Variants in BCKDHB observed in about 807,000 individuals in gnomAD.
The protein encoded by BCKDHB is 2-oxoisovalerate dehydrogenase subunit beta, mitochondrial.
BCKDHB carries 41 observed loss-of-function variants against 48.5 expected under a neutral mutation model. The observed-to-expected ratio is 0.85, with a 90% confidence interval of 0.66 to 1.10. The LOEUF (loss-of-function observed/expected upper bound fraction) is 1.10, where lower values mean the gene tolerates loss of function less well. Ranked by LOEUF, BCKDHB falls within the 50% of genes least tolerant of loss-of-function variation. The pLI is 0.00. For synonymous variants in BCKDHB, 201 were observed against 174.8 expected, an observed-to-expected ratio of 1.15 and a Z score of -1.18; for missense variants, 496 against 494.2, an observed-to-expected ratio of 1.00 and a Z score of -0.03.
chr6:80,336,353 AT>A (rs1431118537), intron 9 of BCKDHB, among the ~76,000 whole-genome samples: 16 of 151,886 alleles, frequency 1.1e-4, no homozygotes, highest in Non-Finnish European at 1.5e-5. Context: ...AGGGAAACCC[AT>A]TTAGATCAGA....
chr6:80,328,977 A>G (rs1328955610), intron 9 of BCKDHB, among the ~76,000 whole-genome samples: 2 of 152,208 alleles, frequency 1.3e-5, no homozygotes, highest in African/African-American at 4.8e-5. Context: ...CTTTTTCTTT[A>G]CAATACATAA....
At position 80,322,896 on chromosome 6, in the gene BCKDHB, CTTTTTTTTTT is replaced by C. The variant is rs34177726; in HGVS notation, c.1039-20760_1039-20751del. Among the ~76,000 whole-genome samples, 17 of 115,566 alleles carry C rather than the reference CTTTTTTTTTT, an allele frequency of 1.5e-4. No individual in the cohort carries two copies. The East Asian group carries it at 2.7e-3, about 19-fold the overall frequency. The allele number at this position is 115,566 out of a possible 152,430, so 75.8% of individuals were successfully genotyped here. On this transcript the variant is annotated intron_variant, in intron 9 of 9. Coordinates refer to ENST00000320393, the MANE Select transcript of BCKDHB (RefSeq NM_183050.4). ...TGATTCTTCTTTTTTTTTCTTTTTTCTTTTTTTTTTTTTTTTTGCATACAGCAGAGAATGC... is the reference window on the plus strand; with the variant it reads ...TGATTCTTCTTTTTTTTTCTTTTTTCTTTTTTTGCATACAGCAGAGAATGC...
intron 6 of BCKDHB, among the ~76,000 whole-genome samples, chr6:80,188,984 T>C (rs191913046): frequency 3.5e-4 from 54 of 152,294 alleles, no homozygotes; most frequent in Non-Finnish European, 3.2e-4. Flanking sequence ...TAGAATTATT[T>C]ACAACATATT....
At chr6:80,302,468 A>G (rs534169778) in intron 9 of BCKDHB, among the ~76,000 whole-genome samples, 2 of 152,246 alleles carry the variant, frequency 1.3e-5, no homozygotes, top group East Asian at 3.9e-4. Flanking sequence ...GGCTTATTAC[A>G]TACCTTTTCC....
chr6:80,187,777 A>G (rs980764563), intron 6 of BCKDHB, among the ~76,000 whole-genome samples: 3 of 152,210 alleles, frequency 2.0e-5, no homozygotes, highest in African/African-American at 4.8e-5. Context: ...CCACAGTGAG[A>G]TACCATCTCA....
the BCKDHB span, among the ~76,000 whole-genome samples, chr6:80,431,465 G>A: frequency 1.3e-4 from 20 of 152,154 alleles, no homozygotes; most frequent in African/African-American, 4.8e-4. Context: ...AAGTCTCTTT[G>A]TAGGTCTCTA....
At position 80,327,911 on chromosome 6, in the gene BCKDHB, C is replaced by T. The variant is rs1290198840; in HGVS notation, c.1039-15753C>T. On this transcript the variant is annotated intron_variant, in intron 9 of 9. Coordinates refer to ENST00000320393, the MANE Select transcript of BCKDHB (RefSeq NM_183050.4). ...CTTTTCCCCTCCCCTTTTCTCCCCT[C>T]CCTTCTCCCCTCCCCTCCCTCCCTT... Among the ~76,000 whole-genome samples, 20 of 137,318 alleles carry T rather than the reference C, an allele frequency of 1.5e-4. No individual in the cohort carries two copies. The East Asian group carries it at 3.7e-3, about 26-fold the overall frequency. 90.1% of individuals were successfully genotyped at this position (137,318 alleles called of 152,430 possible).
At chr6:80,413,970 T>A in the BCKDHB span, among the ~76,000 whole-genome samples, 1 of 152,174 alleles carries the variant, frequency 6.6e-6, no homozygotes, top group Non-Finnish European at 1.5e-5. Flanking sequence ...CTGTTACTTT[T>A]TGATTTTTTA....
intron 3 of BCKDHB, among the ~76,000 whole-genome samples, chr6:80,136,431 C>G (rs1250385946): frequency 1.3e-5 from 2 of 151,960 alleles, no homozygotes; most frequent in Non-Finnish European, 2.9e-5. Context: ...TGAATTTGGA[C>G]CTTTATTTAA....
At chr6:80,366,123 A>G in the BCKDHB span, among the ~76,000 whole-genome samples, 1 of 152,216 alleles carries the variant, frequency 6.6e-6, no homozygotes, top group Non-Finnish European at 1.5e-5. Context: ...GAATAATAAA[A>G]GCAGGAATTT....
chr6:80,243,991 G>A lies in BCKDHB; in HGVS notation c.952-29144G>A, dbSNP rs1367708531. Among the ~76,000 whole-genome samples the A allele has an allele frequency of 2.6e-5, 4 of 152,166 alleles. No individual in the cohort carries two copies. The East Asian group carries it at 7.7e-4, about 29-fold the overall frequency. On this transcript the variant is annotated intron_variant, in intron 8 of 9. Transcript: ENST00000320393. The stretch of plus-strand genomic sequence containing the variant: ...ACTTACCTTTTTATTTCAGTAAACT[G>A]AAAATAAGAAGCCACAAGCTCTCAA...
At chr6:80,443,234 C>T in the BCKDHB span, 2 of 152,088 alleles carry the variant, frequency 1.3e-5, no homozygotes, top group Non-Finnish European at 2.9e-5. Flanking sequence ...AACAGATACT[C>T]TCTTTCTATT....
At chr6:80,196,025 T>C (rs1774112267) in intron 6 of BCKDHB, among the ~76,000 whole-genome samples, 1 of 152,220 alleles carries the variant, frequency 6.6e-6, no homozygotes, top group Admixed American at 6.5e-5. Flanking sequence ...CTAGCATTAC[T>C]GCAGATTAGT....
the BCKDHB span, among the ~76,000 whole-genome samples, chr6:80,413,406 G>A: frequency 6.6e-6 from 1 of 152,006 alleles, no homozygotes; most frequent in Non-Finnish European, 1.5e-5. Flanking sequence ...CACATATTAA[G>A]TCCAGAACCC....
rs751181519 is a variant in BCKDHB at position 80,203,165 on chromosome 6, A to T, written c.904A>T (p.Ile302Phe). 1 of 1,612,852 alleles carries T rather than the reference A, an allele frequency of 6.2e-7. No individual in the cohort carries two copies. The highest frequency in any genetic ancestry group is 8.5e-7 in the Non-Finnish European group (1 of 1,179,072). Residue 302 changes from isoleucine (I) to phenylalanine (F), a missense_variant, in exon 8 of 10, where the codon ATT becomes TTT. Ile to Phe is a conservative substitution (Grantham distance 21). Transcript: ENST00000320393. ...KEKLGVSCEV[I>F]DLRTIIPWDV... is the part of the protein sequence containing the mutation. ...AAAGCTTGGAGTGTCTTGTGAAGTC[A>T]TTGATCTGAGGACTATAATACCTTG... is the stretch of plus-strand genomic sequence containing the variant.
chr6:80,217,684 G>T (rs1251049092), intron 8 of BCKDHB, among the ~76,000 whole-genome samples: 2 of 152,072 alleles, frequency 1.3e-5, no homozygotes, highest in Non-Finnish European at 2.9e-5. Context: ...TCTTCTGAAG[G>T]CCACTTCCAT....
Position 80,197,888 on chromosome 6 carries a change from CTCTG to C in BCKDHB, c.743-3042_743-3039del, listed in dbSNP as rs557046210. On this transcript the variant is annotated intron_variant, in intron 6 of 9. Transcript: ENST00000320393. ...CTACTTCAGTGATATGTGTGTGCCT[CTCTG>C]TCTATTTGTCCACCCGCCCGTCCAT... Among the ~76,000 whole-genome samples, 162 of 152,202 alleles carry C rather than the reference CTCTG, an allele frequency of 1.1e-3. 2 individuals are homozygous for C. In the South Asian group the frequency reaches 0.029, roughly 27 times the overall value.
the BCKDHB span, among the ~76,000 whole-genome samples, chr6:80,421,508 AAGAC>A: frequency 2.1e-3 from 314 of 152,310 alleles, no homozygotes; most frequent in African/African-American, 7.2e-3. Flanking sequence ...GGCTCAGAAA[AAGAC>A]AGAAAGATGA....
intron 6 of BCKDHB, among the ~76,000 whole-genome samples, chr6:80,190,457 C>A (rs963865954): frequency 2.0e-5 from 3 of 151,966 alleles, no homozygotes; most frequent in Non-Finnish European, 4.4e-5. Flanking sequence ...CGCTGAGTGG[C>A]CACACTATCT....
Sources: gnomAD v4.1 joint callset for allele counts (sites outside exome capture counted in the v4.1 genomes callset) on GRCh38, gnomAD v4.1.1 for gene constraint, MANE v1.5 for transcripts, NCBI Gene and HGNC (gene_info 2026-07-23, HGNC 2026-07-21) for gene names.